The following FIGN variants were observed in gnomAD, a reference collection of about 807,000 sequenced individuals.
FIGN encodes fidgetin, microtubule severing factor.
In FIGN, 11 loss-of-function variants were observed where a neutral mutation model predicts 51.3. That is an observed-to-expected ratio of 0.21 (90% CI 0.13 to 0.35). FIGN has a LOEUF of 0.35. FIGN is among the 10% of genes least tolerant of loss of function. The probability of loss-of-function intolerance (pLI) is 1.00; values close to 1 mark genes in which losing one functional copy is unlikely to be tolerated. For synonymous variants in FIGN, 407 were observed against 363.2 expected (o/e 1.12, Z -1.37); for missense variants, 857 against 943.6 (o/e 0.91, Z 1.20).
At chr2:163,709,259 T>C (rs1450207865) in intron 2 of FIGN, among the ~76,000 whole-genome samples, 1 of 152,196 alleles carries the variant, frequency 6.6e-6, no homozygotes, top group Non-Finnish European at 1.5e-5. Flanking sequence ...TGGAAGCCTT[T>C]CTAAAAAGTA....
intron 2 of FIGN, among the ~76,000 whole-genome samples, chr2:163,708,469 G>A (rs985455443): frequency 3.3e-5 from 5 of 152,094 alleles, no homozygotes; most frequent in African/African-American, 9.7e-5. Flanking sequence ...AAGGTGAACC[G>A]GGCAACTGAT....
chr2:163,621,015 C>G (rs980267989), intron 2 of FIGN, among the ~76,000 whole-genome samples: 3 of 152,066 alleles, frequency 2.0e-5, no homozygotes, highest in Admixed American at 2.0e-4. Context: ...CACAACCTTG[C>G]TTAAAATGAA....
At chr2:163,667,593 CTAGTA>C (rs1247109672) in intron 2 of FIGN, among the ~76,000 whole-genome samples, 1 of 152,194 alleles carries the variant, frequency 6.6e-6, no homozygotes, top group Non-Finnish European at 1.5e-5. Flanking sequence ...TTGGCATATG[CTAGTA>C]TCTCAGTCTG....
chr2:163,704,479 T>C (rs1038648838), intron 2 of FIGN, among the ~76,000 whole-genome samples: 1 of 152,076 alleles, frequency 6.6e-6, no homozygotes, highest in Non-Finnish European at 1.5e-5. Context: ...CCACAGGCAC[T>C]GCGTGGGCTT....
chr2:163,732,070 C>A (rs552479685), intron 2 of FIGN, among the ~76,000 whole-genome samples: 1 of 152,266 alleles, frequency 6.6e-6, no homozygotes, highest in East Asian at 1.9e-4. Context: ...ATGAAGCAGG[C>A]TGCTTCTAAC....
intron 2 of FIGN, among the ~76,000 whole-genome samples, chr2:163,669,689 C>T (rs1196527625): frequency 6.6e-6 from 1 of 152,202 alleles, no homozygotes; most frequent in African/African-American, 2.4e-5. Flanking sequence ...TCTTCAGTTG[C>T]TCTTGTGGCT....
At chr2:163,730,828 T>A (rs1684916578) in intron 2 of FIGN, among the ~76,000 whole-genome samples, 1 of 152,166 alleles carries the variant, frequency 6.6e-6, no homozygotes, top group South Asian at 2.1e-4. Context: ...TTTCTTCCAA[T>A]CAAAAATTTA....
intron 2 of FIGN, among the ~76,000 whole-genome samples, chr2:163,679,743 C>G (rs1684030095): frequency 6.6e-6 from 1 of 152,168 alleles, no homozygotes; most frequent in Non-Finnish European, 1.5e-5. Context: ...TATTTTTCCA[C>G]TCTTCTTAAA....
chr2:163,721,290 G>A (rs761896621), intron 2 of FIGN, among the ~76,000 whole-genome samples: 76 of 152,152 alleles, frequency 5.0e-4, no homozygotes, highest in Non-Finnish European at 5.3e-4. Flanking sequence ...TTGGTTGTTG[G>A]CAAGCTACCA....
intron 2 of FIGN, among the ~76,000 whole-genome samples, chr2:163,729,193 G>T (rs13416034): frequency 0.07 from 10,646 of 151,676 alleles, 1,240 homozygotes; most frequent in African/African-American, 0.24. Context: ...AAACAAAATA[G>T]GTATATACAT....
At chr2:163,674,241 T>C (rs1683922852) in intron 2 of FIGN, among the ~76,000 whole-genome samples, 1 of 152,136 alleles carries the variant, frequency 6.6e-6, no homozygotes, top group Non-Finnish European at 1.5e-5. Context: ...CATACTTATG[T>C]TTTGTGCCAG....
intron 2 of FIGN, among the ~76,000 whole-genome samples, chr2:163,666,402 GT>G (rs1683773981): frequency 6.6e-6 from 1 of 152,164 alleles, no homozygotes; most frequent in Admixed American, 6.5e-5. Flanking sequence ...AGTTATATGG[GT>G]TTTTAGAACC....
intron 2 of FIGN, among the ~76,000 whole-genome samples, chr2:163,615,395 G>A (rs1052709512): frequency 3.3e-5 from 5 of 152,140 alleles, no homozygotes; most frequent in African/African-American, 7.2e-5. Context: ...CTTGGCCTTC[G>A]AAGTACAGAG....
At chr2:163,642,822 T>C (rs1683323894) in intron 2 of FIGN, among the ~76,000 whole-genome samples, 1 of 152,010 alleles carries the variant, frequency 6.6e-6, no homozygotes, top group Admixed American at 6.6e-5. Context: ...GAAGAATAAA[T>C]CTTAAAAAAT....
At chr2:163,622,796 C>G (rs1194322619) in intron 2 of FIGN, among the ~76,000 whole-genome samples, 3 of 152,110 alleles carry the variant, frequency 2.0e-5, no homozygotes, top group Non-Finnish European at 4.4e-5. Flanking sequence ...AATTGCTGGA[C>G]TCAAGTGATC....
At chr2:163,708,410 A>G (rs895329394) in intron 2 of FIGN, among the ~76,000 whole-genome samples, 2 of 152,206 alleles carry the variant, frequency 1.3e-5, no homozygotes, top group Non-Finnish European at 2.9e-5. Context: ...GCAATTTACT[A>G]TTGACAAGCA....
intron 2 of FIGN, among the ~76,000 whole-genome samples, chr2:163,696,259 G>T (rs1194904311): frequency 1.3e-5 from 2 of 152,160 alleles, no homozygotes; most frequent in Non-Finnish European, 2.9e-5. Flanking sequence ...AAGAGCAGAT[G>T]TTAGGTGGTA....
chr2:163,726,594 A>G (rs759997491), intron 2 of FIGN, among the ~76,000 whole-genome samples: 5 of 152,048 alleles, frequency 3.3e-5, no homozygotes, highest in Non-Finnish European at 7.4e-5. Flanking sequence ...AGGAAAGGAT[A>G]CATTTTCTAA....
intron 2 of FIGN, among the ~76,000 whole-genome samples, chr2:163,637,212 A>T (rs1159363472): frequency 1.3e-5 from 2 of 152,230 alleles, no homozygotes; most frequent in East Asian, 1.9e-4. Flanking sequence ...CAACAGTAGC[A>T]ATCTAATTAC....
Sources: gnomAD v4.1 joint callset for allele counts (sites outside exome capture counted in the v4.1 genomes callset) on GRCh38, gnomAD v4.1.1 for gene constraint, MANE v1.5 for transcripts, NCBI Gene and HGNC (gene_info 2026-07-23, HGNC 2026-07-21) for gene names.